SVIL: variants seen among roughly 807,000 people sequenced by gnomAD.
SVIL encodes the protein archvillin.
Under a neutral mutation model 240.4 loss-of-function variants are expected in SVIL, and 101 were observed. That is an observed-to-expected ratio of 0.42 (90% CI 0.36 to 0.50). The LOEUF is 0.50. Among genes scored for constraint, SVIL ranks in the 20% least tolerant of loss-of-function variants. SVIL has a pLI of 0.01. For missense variants in SVIL, 2,512 were observed against 2,818.7 expected (o/e 0.89, Z 2.46); for synonymous variants, 999 against 1,100.0 (o/e 0.91, Z 1.82).
chr10:29,608,039 G>T (rs1043382123), intron 1 of SVIL, among the ~76,000 whole-genome samples: 2 of 152,228 alleles, frequency 1.3e-5, no homozygotes, highest in East Asian at 3.8e-4. Context: ...TCACAGCAAA[G>T]CTTATCAAAC....
At chr10:29,602,444 T>C (rs1011292969) in intron 1 of SVIL, 3 of 313,020 alleles carry the variant, frequency 9.6e-6, no homozygotes, top group African/African-American at 4.4e-5. Context: ...AGGTATTACA[T>C]ACACTCTTCC....
chr10:29,557,580 A>G (rs181061127), intron 3 of SVIL, among the ~76,000 whole-genome samples: 1 of 152,318 alleles, frequency 6.6e-6, no homozygotes, highest in African/African-American at 2.4e-5. Flanking sequence ...AAATTTTTCT[A>G]TAGAAATGCA....
At chr10:29,602,232 A>G (rs11007666) in intron 1 of SVIL, 126,472 of 527,738 alleles carry the variant, frequency 0.24, 17,179 homozygotes, top group Non-Finnish European at 0.27. Context: ...ATGATGTTTC[A>G]TGAAGTGCCC....
At chr10:29,606,329 G>A (rs978520103) in intron 1 of SVIL, among the ~76,000 whole-genome samples, 3 of 152,176 alleles carry the variant, frequency 2.0e-5, no homozygotes, top group Admixed American at 2.0e-4. Context: ...ACAGACACTG[G>A]CCACTGCAAC....
intron 29 of SVIL, among the ~76,000 whole-genome samples, chr10:29,474,534 G>T (rs975018434): frequency 6.6e-6 from 1 of 151,912 alleles, no homozygotes; most frequent in African/African-American, 2.4e-5. Flanking sequence ...GTTTGAGACC[G>T]CAGTTAGCCA....
rs1207171924 is a variant in SVIL, at chr10:29,529,930, G to A, written c.2107-86C>T. On this transcript the variant is annotated intron_variant, in intron 11 of 37. Coordinates refer to ENST00000355867, the MANE Select transcript of SVIL (RefSeq NM_021738.3). Reference sequence around the variant, plus strand: ...TCACGCCTGTAATCCCAGCACTTTGGGAGGCTAAGGAGGGAAGATTGCTGG... The same window carrying A: ...TCACGCCTGTAATCCCAGCACTTTGAGAGGCTAAGGAGGGAAGATTGCTGG... 3 of 1,356,400 alleles carry A rather than the reference G, an allele frequency of 2.2e-6. No individual in the cohort carries two copies. The East Asian group carries it at 7.9e-5, about 36-fold the overall frequency. The allele number at this position is 1,356,400 out of a possible 1,614,324, so 84.0% of individuals were successfully genotyped here. A position where few individuals can be genotyped will look rare whatever the true frequency, so the allele number is the denominator to read the frequency against.
intron 3 of SVIL, among the ~76,000 whole-genome samples, chr10:29,556,706 G>T (rs1953962761): frequency 6.6e-6 from 1 of 152,274 alleles, no homozygotes; most frequent in South Asian, 2.1e-4. Flanking sequence ...GAAGACAGGG[G>T]TATAATGAGA....
chr10:29,644,495 G>A (rs1334039016), intron 3 of SVIL, among the ~76,000 whole-genome samples: 3 of 152,006 alleles, frequency 2.0e-5, no homozygotes, highest in East Asian at 1.9e-4. Context: ...AGAGCTCTAC[G>A]TAATGGCTAT....
rs141493623 is a variant in SVIL, at chr10:29,687,426, T to A, written c.-399-775A>T. ...GTCAAGTTTGGCCAGGTGAGGTGGT[T>A]CATGCCTGTAATCCCAACACTTTGG... is the stretch of plus-strand genomic sequence containing the variant. On this transcript the variant is annotated intron_variant, in intron 1 of 35. Coordinates refer to the SVIL transcript ENST00000375400. 2.9e-3 allele frequency among the ~76,000 whole-genome samples: 439 copies of A among 152,364 alleles called. 3 individuals carry two copies. Among genetic ancestry groups the A allele is most frequent in the African/African-American group, 9.2e-3 (382 of 41,596 alleles).
intron 2 of SVIL, among the ~76,000 whole-genome samples, chr10:29,675,977 G>A (rs1397732563): frequency 6.6e-6 from 1 of 152,144 alleles, no homozygotes; most frequent in Non-Finnish European, 1.5e-5. Flanking sequence ...TCACAGAGCT[G>A]AAACTTACCA....
At chr10:29,695,556 A>G (rs1009022740) in intron 1 of SVIL, among the ~76,000 whole-genome samples, 12 of 151,636 alleles carry the variant, frequency 7.9e-5, no homozygotes, top group African/African-American at 2.4e-4. Context: ...GACCAGCCTG[A>G]CCAACATGGT....
In SVIL at chr10:29,523,596, A is replaced by G; in HGVS notation, c.3018T>C (p.Pro1006=). The G allele has an allele frequency of 6.2e-7, 1 of 1,614,150 alleles. No homozygotes were observed. The highest frequency in any genetic ancestry group is 8.5e-7 in the Non-Finnish European group (1 of 1,180,024). The change falls in exon 15 of 38, where the codon CCT becomes CCC. Residue 1006 remains proline, a synonymous_variant. Transcript: ENST00000355867. Reference sequence around the variant, plus strand: ...GTTCATCCCCGAGGTGGGTGATGGGAGGGTTCGCCCGTTCCAGGCTTCCTC... The same window carrying G: ...GTTCATCCCCGAGGTGGGTGATGGGGGGGTTCGCCCGTTCCAGGCTTCCTC... ...PRRGSLERAN[P]PITHLGDEPK...
At position 29,473,608 on chromosome 10, in the gene SVIL, A is replaced by C. The variant is rs1032419579; in HGVS notation, c.5529+230T>G. 8.6e-5 allele frequency: 50 copies of C among 584,414 alleles called. No homozygotes were observed. In the Middle Eastern group the frequency reaches 1.8e-3, roughly 22 times the overall value. The allele number at this position is 584,414 out of a possible 1,614,324, so 36.2% of individuals were successfully genotyped here. A position where few individuals can be genotyped will look rare whatever the true frequency, so the allele number is the denominator to read the frequency against. The stretch of plus-strand genomic sequence containing the variant: ...TCTGCACTTGTCATGTGGATTTCCT[A>C]TTTGCAGATACAACATTTTCTCCAG... On this transcript the variant is annotated intron_variant, in intron 30 of 37. Coordinates refer to ENST00000355867, the MANE Select transcript of SVIL (RefSeq NM_021738.3).
intron 3 of SVIL, among the ~76,000 whole-genome samples, chr10:29,555,558 G>A (rs934062304): frequency 2.6e-5 from 4 of 152,104 alleles, no homozygotes. Context: ...CTAGCTATGT[G>A]ACTCACGTAT....
chr10:29,680,755 C>T (rs1034799233), intron 2 of SVIL, among the ~76,000 whole-genome samples: 3 of 152,066 alleles, frequency 2.0e-5, no homozygotes, highest in African/African-American at 7.2e-5. Context: ...CCTGTCTCTA[C>T]TAAAAATACA....
At chr10:29,571,144 G>C (rs930411333) in intron 1 of SVIL, among the ~76,000 whole-genome samples, 21 of 152,210 alleles carry the variant, frequency 1.4e-4, no homozygotes, top group African/African-American at 5.1e-4. Context: ...TGCAGGACTA[G>C]AGCGACCAGG....
chr10:29,498,953 C>T (rs930874697), intron 18 of SVIL, among the ~76,000 whole-genome samples, 163 bp downstream of exon 18: 1 of 152,210 alleles, frequency 6.6e-6, no homozygotes, highest in Non-Finnish European at 1.5e-5. Context: ...TGCACCCCAG[C>T]CTAGGCAAAA....
Position 29,490,733 on chromosome 10 carries a change from G to A in SVIL, c.4192+114C>T, listed in dbSNP as rs1046811497. 7 of 1,282,308 alleles carry A rather than the reference G, an allele frequency of 5.5e-6. No homozygotes were observed. The African/African-American group carries it at 8.9e-5, about 16-fold the overall frequency. The allele number at this position is 1,282,308 out of a possible 1,614,324, so 79.4% of individuals were successfully genotyped here. On this transcript the variant is annotated intron_variant, in intron 22 of 37. Transcript: ENST00000355867. The stretch of plus-strand genomic sequence containing the variant: ...AAACTTACTCCTTTTTACTTCATGA[G>A]GGTCTTCTGAGCACCATTATTGGCC...
intron 36 of SVIL, among the ~76,000 whole-genome samples, chr10:29,460,334 A>G (rs1179669493): frequency 2.0e-5 from 3 of 152,154 alleles, no homozygotes; most frequent in African/African-American, 7.2e-5. Context: ...AATTATTTGT[A>G]TAACTTGCTG....
Sources: allele counts gnomAD v4.1 joint callset (sites outside exome capture counted in the v4.1 genomes callset), GRCh38; gene constraint gnomAD v4.1.1; transcripts MANE v1.5; gene names NCBI Gene and HGNC (gene_info 2026-07-23, HGNC 2026-07-21).